The following MTPAP variants were observed in gnomAD, a reference collection of about 807,000 sequenced individuals.
MTPAP encodes poly(A) RNA polymerase, mitochondrial.
Under a neutral mutation model 48.7 loss-of-function variants are expected in MTPAP, and 23 were observed. The observed-to-expected ratio is 0.47, with a 90% CI of 0.34 to 0.67. The LOEUF is 0.67. Ranked by LOEUF, MTPAP falls within the 30% of genes least tolerant of loss-of-function variation. The pLI, the probability that MTPAP is intolerant of heterozygous loss-of-function variation, is 0.01. For synonymous variants in MTPAP, 257 were observed against 254.1 expected (o/e 1.01, Z -0.11); for missense variants, 614 against 694.3 (o/e 0.88, Z 1.30).
At chr10:30,316,240 G>GTTT in intron 6 of MTPAP, 30 bp from the exon 7 acceptor site, 21 of 1,286,034 alleles carry the variant, frequency 1.6e-5, no homozygotes, top group Non-Finnish European at 2.0e-5. Context: ...TATTTCACGT[G>GTTT]TTTTTTTTTT....
intron 2 of MTPAP, 141 bp downstream of exon 2, chr10:30,341,327 G>A: frequency 9.1e-7 from 1 of 1,094,982 alleles, no homozygotes; most frequent in South Asian, 1.7e-5. Context: ...ACTCATTAAA[G>A]AAATCTAGAT....
chr10:30,339,997 C>T (rs1834779532), intron 3 of MTPAP: 1 of 553,600 alleles, frequency 1.8e-6, no homozygotes, highest in African/African-American at 1.9e-5. Context: ...AACATCTACT[C>T]AATGTGTTGA....
chr10:30,343,311 G>A (rs1013484045), intron 1 of MTPAP, among the ~76,000 whole-genome samples: 2 of 151,658 alleles, frequency 1.3e-5, no homozygotes, highest in African/African-American at 4.8e-5. Flanking sequence ...TTACTTGGGA[G>A]GCTGAGGTAG....
intron 1 of MTPAP, among the ~76,000 whole-genome samples, chr10:30,343,462 A>C (rs1182650149): frequency 1.3e-5 from 2 of 152,180 alleles, no homozygotes; most frequent in East Asian, 1.9e-4. Flanking sequence ...AGAAAATGTA[A>C]ATGATGTATA....
At position 30,316,099 on chromosome 10, in the gene MTPAP, T is replaced by G; in HGVS notation, c.1312+19A>C. 6.2e-7 allele frequency: 1 copy of G among 1,610,048 alleles called. No individual in the cohort carries two copies. Among genetic ancestry groups the G allele is most frequent in the Non-Finnish European group, 8.5e-7 (1 of 1,176,320 alleles). On this transcript the variant is annotated intron_variant, in intron 7 of 8. Coordinates refer to ENST00000263063, the MANE Select transcript of MTPAP (RefSeq NM_018109.4). ...CTGTTTCAATCCAGAAAGGATCAAG[T>G]AAACAGAAAGACACTTACCTAATGT... is the stretch of plus-strand genomic sequence containing the variant.
rs757504799 is a variant in MTPAP at position 30,313,854 on chromosome 10, C to A, written c.1504G>T (p.Ala502Ser). The A allele has an allele frequency of 3.1e-6, 5 of 1,614,098 alleles. No individual in the cohort carries two copies. The highest frequency in any genetic ancestry group is 8.5e-7 in the Non-Finnish European group (1 of 1,180,020). Reference sequence around the variant, plus strand: ...TGTAAAATCCAGGCACTTTCTCGGGCCAAATCTACAAATTTTTGCAGCTGG... The same window carrying A: ...TGTAAAATCCAGGCACTTTCTCGGGACAAATCTACAAATTTTTGCAGCTGG... Reference protein sequence around the residue: ...QSQLQKFVDLARESAWILQQE... With the variant: ...QSQLQKFVDLSRESAWILQQE... Residue 502 changes from alanine (A) to serine (S), a missense_variant, in exon 9 of 9, where the codon GCC becomes TCC. By Grantham distance (99) the Ala-to-Ser change is moderately conservative. Transcript: ENST00000263063.
In MTPAP at chr10:30,313,330, A is replaced by C. The variant is rs1357468828; in HGVS notation, c.*279T>G. 8 of 428,682 alleles carry C rather than the reference A, an allele frequency of 1.9e-5. No homozygotes were observed. Among genetic ancestry groups the C allele is most frequent in the Non-Finnish European group, 3.4e-5 (8 of 235,984 alleles). 26.6% of individuals were successfully genotyped at this position (428,682 alleles called of 1,614,324 possible). On this transcript the variant is annotated 3_prime_UTR_variant, in exon 9 of 9. Coordinates refer to ENST00000263063, the MANE Select transcript of MTPAP (RefSeq NM_018109.4). Reference sequence around the variant, plus strand: ...CGATGGATTCAAAATCCTGGGCTCAAGAGATCCTCCTGCCTCAGCCTCCTG... The same window carrying C: ...CGATGGATTCAAAATCCTGGGCTCACGAGATCCTCCTGCCTCAGCCTCCTG...
intron 6 of MTPAP, among the ~76,000 whole-genome samples, chr10:30,321,832 A>G (rs541559007): frequency 6.6e-6 from 1 of 152,320 alleles, no homozygotes; most frequent in East Asian, 1.9e-4. Context: ...TAACTTCTCC[A>G]GCAGGCCTCA....
At chr10:30,335,119 A>G (rs910652499) in intron 4 of MTPAP, among the ~76,000 whole-genome samples, 1 of 152,228 alleles carries the variant, frequency 6.6e-6, no homozygotes, top group Admixed American at 6.5e-5. Flanking sequence ...ACATCCACAT[A>G]AAGTCTGATG....
At chr10:30,333,514 G>A (rs1834695515) in intron 4 of MTPAP, among the ~76,000 whole-genome samples, 1 of 152,164 alleles carries the variant, frequency 6.6e-6, no homozygotes, top group South Asian at 2.1e-4. Context: ...TATGCTCCTT[G>A]ATTATTCAGT....
chr10:30,347,779 T>A (rs1255570657), intron 1 of MTPAP, among the ~76,000 whole-genome samples: 2 of 152,086 alleles, frequency 1.3e-5, no homozygotes, highest in Non-Finnish European at 1.5e-5. Flanking sequence ...TAATCCCAGC[T>A]ACTCGGGAGG....
intron 2 of MTPAP, 52 bp from the exon 3 acceptor site, chr10:30,340,502 A>G (rs754949579): frequency 2.4e-6 from 3 of 1,257,288 alleles, no homozygotes; most frequent in East Asian, 2.3e-5. Flanking sequence ...TATATCTAAC[A>G]TACTATTTTA....
chr10:30,334,453 G>A (rs1834705882), intron 4 of MTPAP, among the ~76,000 whole-genome samples: 1 of 152,104 alleles, frequency 6.6e-6, no homozygotes, highest in Non-Finnish European at 1.5e-5. Flanking sequence ...CTGAGGTCAG[G>A]AGTTCCAGAC....
chr10:30,346,106 G>T (rs1334708093), intron 1 of MTPAP, among the ~76,000 whole-genome samples: 3 of 151,246 alleles, frequency 2.0e-5, no homozygotes, highest in African/African-American at 7.3e-5. Flanking sequence ...AAATAAAGAT[G>T]CATGCACGTA....
chr10:30,349,254 GC>G lies in MTPAP; in HGVS notation c.21del (p.Leu8SerfsTer2). On this transcript the variant is annotated frameshift_variant, in exon 1 of 9. Transcript: ENST00000263063. LOFTEE classifies it high-confidence loss of function. MAVPGV[G>X]LLTRLNLCAR... is the part of the protein sequence containing the mutation. ...GCACACAGGTTCAAACGGGTCAAGA[GC>G]CCCACGCCGGGAACCGCCATTGCTA... 1 of 1,421,754 alleles carries G rather than the reference GC, an allele frequency of 7.0e-7. No individual in the cohort carries two copies. Among genetic ancestry groups the G allele is most frequent in the Non-Finnish European group, 9.5e-7 (1 of 1,053,242 alleles). The allele number at this position is 1,421,754 out of a possible 1,614,324, so 88.1% of individuals were successfully genotyped here.
chr10:30,336,214 TAAAG>T (rs1354294765), intron 4 of MTPAP, among the ~76,000 whole-genome samples: 1 of 151,536 alleles, frequency 6.6e-6, no homozygotes, highest in Non-Finnish European at 1.5e-5. Flanking sequence ...AGGCTGAAAA[TAAAG>T]AAACAGAAGA....
In MTPAP at chr10:30,311,567, C is replaced by T. The variant is rs149503842; in HGVS notation, c.*2042G>A. The T allele has an allele frequency of 5.8e-4, 89 of 152,342 alleles. No homozygotes were observed. The highest frequency in any genetic ancestry group is 2.1e-3 in the African/African-American group (88 of 41,580). The allele number at this position is 152,342 out of a possible 1,614,324, so 9.4% of individuals were successfully genotyped here. A position where few individuals can be genotyped will look rare whatever the true frequency, so the allele number is the denominator to read the frequency against. On this transcript the variant is annotated 3_prime_UTR_variant, in exon 9 of 9. Coordinates refer to ENST00000263063, the MANE Select transcript of MTPAP (RefSeq NM_018109.4). ...TCCCTCGCTTAATCCTCACATTGAT[C>T]TGATCATGATCCCCATTTTACAGAT...
At chr10:30,316,757 G>A (rs1243509215) in intron 6 of MTPAP, among the ~76,000 whole-genome samples, 4 of 151,882 alleles carry the variant, frequency 2.6e-5, no homozygotes, top group Non-Finnish European at 4.4e-5. Flanking sequence ...AGGCATGGTG[G>A]CTTGCTCCTG....
rs1314586995 is a variant in MTPAP, at chr10:30,312,988, C to T, written c.*621G>A. ...AAACATTTTTTGATATCAGTACCAA[C>T]CCACTTTAATTTATATGTGAATAAG... On this transcript the variant is annotated 3_prime_UTR_variant, in exon 9 of 9. Transcript: ENST00000263063. The T allele has an allele frequency of 6.5e-6, 1 of 153,330 alleles. No homozygotes were observed. Among genetic ancestry groups the T allele is most frequent in the Admixed American group, 6.5e-5 (1 of 15,478 alleles). 9.5% of individuals were successfully genotyped at this position (153,330 alleles called of 1,614,324 possible).
Sources: gnomAD v4.1 joint callset for allele counts (sites outside exome capture counted in the v4.1 genomes callset) on GRCh38, gnomAD v4.1.1 for gene constraint, MANE v1.5 for transcripts, NCBI Gene and HGNC (gene_info 2026-07-23, HGNC 2026-07-21) for gene names.